Variants in OXCT1 observed in about 807,000 individuals in gnomAD.
The protein encoded by OXCT1 is succinyl-CoA:3-ketoacid coenzyme A transferase 1, mitochondrial.
A neutral mutation model predicts 69.6 loss-of-function variants in OXCT1; 27 were observed. The ratio of observed to expected loss-of-function variants is 0.39; its 90% CI spans 0.29 to 0.54. The LOEUF is 0.54. OXCT1 is among the 20% of genes least tolerant of loss of function. The pLI, the probability that OXCT1 is intolerant of heterozygous loss-of-function variation, is 0.72. For synonymous variants in OXCT1, 202 were observed against 217.8 expected (o/e 0.93, Z 0.64); for missense variants, 437 against 650.2 (o/e 0.67, Z 3.57).
chr5:41,734,538 G>A (rs1233089895), intron 16 of OXCT1, among the ~76,000 whole-genome samples: 3 of 152,150 alleles, frequency 2.0e-5, no homozygotes, highest in African/African-American at 7.2e-5. Flanking sequence ...ACTGCATGCT[G>A]TTAAGTATAG....
At chr5:41,788,090 G>A (rs1159655062) in intron 13 of OXCT1, among the ~76,000 whole-genome samples, 1 of 152,140 alleles carries the variant, frequency 6.6e-6, no homozygotes, top group East Asian at 1.9e-4. Context: ...GTCACATGCA[G>A]AATTAACTAT....
intron 11 of OXCT1, among the ~76,000 whole-genome samples, chr5:41,796,955 G>A (rs918801710): frequency 1.3e-5 from 2 of 152,156 alleles, no homozygotes; most frequent in African/African-American, 4.8e-5. Context: ...GGCTTATATG[G>A]TGGGGTTGTA....
chr5:41,805,812 A>G (rs1325821737), intron 8 of OXCT1, 131 bp from the exon 9 acceptor site: 2 of 684,996 alleles, frequency 2.9e-6, no homozygotes, highest in African/African-American at 1.8e-5. Context: ...GCAATATACC[A>G]GATATTTAAA....
intron 13 of OXCT1, among the ~76,000 whole-genome samples, chr5:41,764,815 C>T (rs538314678): frequency 1.3e-5 from 2 of 152,232 alleles, no homozygotes; most frequent in Non-Finnish European, 2.9e-5. Context: ...GGAAGTAGCT[C>T]AGGGAGATTC....
At chr5:41,831,029 A>G (rs1357576179) in intron 7 of OXCT1, among the ~76,000 whole-genome samples, 1 of 152,212 alleles carries the variant, frequency 6.6e-6, no homozygotes, top group Non-Finnish European at 1.5e-5. Flanking sequence ...AAGTAAAACA[A>G]CCAGCTTGAT....
intron 9 of OXCT1, 115 bp downstream of exon 9, chr5:41,805,452 C>T: frequency 1.4e-6 from 1 of 725,432 alleles, no homozygotes; most frequent in Non-Finnish European, 2.4e-6. Flanking sequence ...GATTAATTAC[C>T]TTAAAAGTTA....
chr5:41,779,405 T>A (rs1390683487), intron 13 of OXCT1, among the ~76,000 whole-genome samples: 2 of 152,078 alleles, frequency 1.3e-5, no homozygotes, highest in Non-Finnish European at 2.9e-5. Context: ...TTTCAAGTAC[T>A]CAAAAGCCAC....
intron 13 of OXCT1, among the ~76,000 whole-genome samples, chr5:41,775,404 T>C (rs1233531302): frequency 6.6e-6 from 1 of 152,278 alleles, no homozygotes; most frequent in Middle Eastern, 3.4e-3. Context: ...TTATGAAGGA[T>C]ACAACTAAGG....
intron 13 of OXCT1, among the ~76,000 whole-genome samples, chr5:41,782,048 T>C (rs1442553663): frequency 6.6e-6 from 1 of 152,114 alleles, no homozygotes; most frequent in African/African-American, 2.4e-5. Context: ...CCAAAATGGT[T>C]GAATTAATTT....
rs543663276 is a variant in OXCT1, at chr5:41,860,761, T to C, written c.278+553A>G. On this transcript the variant is annotated intron_variant, in intron 3 of 16. Coordinates refer to ENST00000196371, the MANE Select transcript of OXCT1 (RefSeq NM_000436.4). Reference sequence around the variant, plus strand: ...AATGTGCATGCTATTATTAAAATGATGGCTTATTTCTGACCACTATAATAT... The same window carrying C: ...AATGTGCATGCTATTATTAAAATGACGGCTTATTTCTGACCACTATAATAT... Among the ~76,000 whole-genome samples the C allele has an allele frequency of 4.6e-5, 7 of 152,296 alleles. No individual in the cohort carries two copies. The South Asian group carries it at 6.2e-4, about 14-fold the overall frequency.
intron 5 of OXCT1, among the ~76,000 whole-genome samples, chr5:41,845,237 C>T (rs1748841399): frequency 6.6e-6 from 1 of 152,198 alleles, no homozygotes; most frequent in Non-Finnish European, 1.5e-5. Context: ...CACAAACCCT[C>T]TTATCTCCAC....
chr5:41,776,623 A>G (rs1745136359), intron 13 of OXCT1, among the ~76,000 whole-genome samples: 1 of 152,224 alleles, frequency 6.6e-6, no homozygotes, highest in Admixed American at 6.5e-5. Flanking sequence ...GCTTTGTTCA[A>G]CAATGATTTA....
chr5:41,841,242 G>GT (rs1748613016), intron 6 of OXCT1, among the ~76,000 whole-genome samples: 1 of 152,180 alleles, frequency 6.6e-6, no homozygotes, highest in Non-Finnish European at 1.5e-5. Context: ...GTAAAAGGAA[G>GT]TAAGTCACAG....
intron 13 of OXCT1, among the ~76,000 whole-genome samples, chr5:41,770,641 C>T (rs1318678579): frequency 1.3e-5 from 2 of 152,078 alleles, no homozygotes; most frequent in Non-Finnish European, 2.9e-5. Flanking sequence ...TCTTGAATGC[C>T]CTCTCAATGT....
Position 41,816,396 on chromosome 5 carries a change from A to G in OXCT1, c.733-8958T>C, listed in dbSNP as rs576735481. Among the ~76,000 whole-genome samples the G allele has an allele frequency of 6.6e-5, 10 of 152,322 alleles. No homozygotes were observed. In the South Asian group the frequency reaches 1.9e-3, roughly 28 times the overall value. On this transcript the variant is annotated intron_variant, in intron 7 of 16. Coordinates refer to ENST00000196371, the MANE Select transcript of OXCT1 (RefSeq NM_000436.4). Reference sequence around the variant, plus strand: ...AATTCAAACATGTTTATCACATTTCAACTATGACTTTAGCATGATGATCAA... The same window carrying G: ...AATTCAAACATGTTTATCACATTTCGACTATGACTTTAGCATGATGATCAA...
chr5:41,780,583 T>C (rs1322031442), intron 13 of OXCT1, among the ~76,000 whole-genome samples: 1 of 152,154 alleles, frequency 6.6e-6, no homozygotes, highest in African/African-American at 2.4e-5. Flanking sequence ...TTGTGTAGAG[T>C]GTCTAAGAAT....
chr5:41,867,743 AG>A (rs1205516644), intron 1 of OXCT1, among the ~76,000 whole-genome samples: 1 of 152,270 alleles, frequency 6.6e-6, no homozygotes, highest in African/African-American at 2.4e-5. Context: ...ACTGCAGCTC[AG>A]GAGAGTCAGA....
intron 14 of OXCT1, among the ~76,000 whole-genome samples, chr5:41,753,109 A>G (rs1743876025): frequency 6.6e-6 from 1 of 152,148 alleles, no homozygotes; most frequent in Non-Finnish European, 1.5e-5. Flanking sequence ...TGTTATTGCA[A>G]TGAACTTAAT....
chr5:41,767,722 G>GTATATATATATATATATATATATATA (rs367584226), intron 13 of OXCT1, among the ~76,000 whole-genome samples: 14 of 89,942 alleles, frequency 1.6e-4, no homozygotes, highest in African/African-American at 2.2e-4. Context: ...ATATGTGTGT[G>GTATATATATATATATATATATATATA]TATATATATA....
Sources: gnomAD v4.1 joint callset for allele counts (sites outside exome capture counted in the v4.1 genomes callset) on GRCh38, gnomAD v4.1.1 for gene constraint, MANE v1.5 for transcripts, NCBI Gene and HGNC (gene_info 2026-07-23, HGNC 2026-07-21) for gene names.